TMEM267: variants seen among roughly 807,000 people sequenced by gnomAD.
TMEM267 encodes transmembrane protein 267.
TMEM267 carries 20 observed loss-of-function variants against 19.3 expected under a neutral mutation model. The ratio of observed to expected loss-of-function variants is 1.04; its 90% CI spans 0.73 to 1.51. TMEM267 has a LOEUF of 1.51. Ranked by LOEUF, TMEM267 falls within the 40% of genes most tolerant of loss-of-function variation. The pLI, the probability that TMEM267 is intolerant of heterozygous loss-of-function variation, is 0.00. For synonymous variants in TMEM267, 88 were observed against 90.3 expected (o/e 0.97, Z 0.15); for missense variants, 242 against 261.9 (o/e 0.92, Z 0.52).
intron 1 of TMEM267, among the ~76,000 whole-genome samples, chr5:43,464,667 C>A (rs1325833647): frequency 6.6e-6 from 1 of 152,272 alleles, no homozygotes; most frequent in East Asian, 1.9e-4. Context: ...CTACAACCAT[C>A]TGATCTTTGA....
intron 1 of TMEM267, among the ~76,000 whole-genome samples, chr5:43,471,169 A>G (rs1423659384): frequency 6.6e-6 from 1 of 152,136 alleles, no homozygotes; most frequent in African/African-American, 2.4e-5. Context: ...GTGAAACAGA[A>G]ATTTTTAAAG....
rs141423454 is a variant in TMEM267, at chr5:43,452,704, T to C, written c.312+954A>G. 1.1e-3 allele frequency among the ~76,000 whole-genome samples: 162 copies of C among 152,332 alleles called. 1 individual carries two copies. Among genetic ancestry groups the C allele is most frequent in the African/African-American group, 3.6e-3 (151 of 41,584 alleles). On this transcript the variant is annotated intron_variant, in intron 2 of 2. Transcript: ENST00000397080. ...CAAAATGTTATGCTAACTCTACTTA[T>C]AGCACAAAAGTTTGTCTTTAATTAG...
intron 1 of TMEM267, among the ~76,000 whole-genome samples, chr5:43,481,127 G>A (rs1318321596): frequency 2.8e-5 from 1 of 35,136 alleles, no homozygotes; most frequent in Non-Finnish European, 5.8e-5. Flanking sequence ...TTTTTTTTTT[G>A]ACAAGGTATC....
intron 1 of TMEM267, among the ~76,000 whole-genome samples, chr5:43,464,555 A>C (rs1477001052): frequency 3.3e-5 from 5 of 150,334 alleles, no homozygotes; most frequent in African/African-American, 4.9e-5. Flanking sequence ...ACTTCAAACT[A>C]TACTACAAGG....
chr5:43,471,478 T>C (rs1452836582), intron 1 of TMEM267, among the ~76,000 whole-genome samples: 1 of 149,670 alleles, frequency 6.7e-6, no homozygotes. Flanking sequence ...AGGCCCAGAA[T>C]ACCCAAAGCT....
intron 1 of TMEM267, among the ~76,000 whole-genome samples, chr5:43,483,414 G>C (rs1399299407): frequency 6.6e-6 from 1 of 152,200 alleles, no homozygotes; most frequent in African/African-American, 2.4e-5. Flanking sequence ...AGCCTCAAAG[G>C]CTCCGGGGCA....
At chr5:43,472,930 G>A (rs1744172845) in intron 1 of TMEM267, among the ~76,000 whole-genome samples, 1 of 151,874 alleles carries the variant, frequency 6.6e-6, no homozygotes, top group African/African-American at 2.4e-5. Context: ...ACAAGGTCAG[G>A]AGTTCAAGAC....
chr5:43,482,165 C>A (rs1259208700), intron 1 of TMEM267, among the ~76,000 whole-genome samples: 1 of 152,158 alleles, frequency 6.6e-6, no homozygotes, highest in Non-Finnish European at 1.5e-5. Context: ...TGTTTTAAGC[C>A]TCTAAGTTTT....
intron 1 of TMEM267, among the ~76,000 whole-genome samples, chr5:43,475,858 G>A (rs1383915577): frequency 2.0e-5 from 3 of 152,088 alleles, no homozygotes; most frequent in Non-Finnish European, 4.4e-5. Flanking sequence ...TAGCAAGAAT[G>A]AAACAACAAA....
chr5:43,449,033 A>G (rs1249712530), intron 2 of TMEM267, among the ~76,000 whole-genome samples: 2 of 152,088 alleles, frequency 1.3e-5, no homozygotes, highest in Admixed American at 6.6e-5. Flanking sequence ...AACAAAAACA[A>G]TCTAATAAAT....
intron 1 of TMEM267, among the ~76,000 whole-genome samples, chr5:43,464,056 C>T (rs1743452446): frequency 2.0e-5 from 3 of 152,072 alleles, no homozygotes; most frequent in African/African-American, 7.3e-5. Context: ...CTAGAAAACC[C>T]CATTGTCTCA....
At chr5:43,478,292 CA>C (rs1174113948) in intron 1 of TMEM267, among the ~76,000 whole-genome samples, 1 of 152,102 alleles carries the variant, frequency 6.6e-6, no homozygotes, top group Non-Finnish European at 1.5e-5. Context: ...CCATGTTTTA[CA>C]ATATAGACTC....
In TMEM267 at chr5:43,473,132, C is replaced by T. The variant is rs567342106; in HGVS notation, c.-75+10690G>A. Among the ~76,000 whole-genome samples the T allele has an allele frequency of 8.6e-4, 83 of 96,796 alleles. 1 individual carries two copies. The highest frequency in any genetic ancestry group is 9.4e-3 in the Middle Eastern group (1 of 106). 63.5% of individuals were successfully genotyped at this position (96,796 alleles called of 152,430 possible). A position where few individuals can be genotyped will look rare whatever the true frequency, so the allele number is the denominator to read the frequency against. ...CAGCCTGGACTACAGAGCGAGACTC[C>T]GTGTCACAAAAAAAAAAAAAAAAAA... On this transcript the variant is annotated intron_variant, in intron 1 of 2. Transcript: ENST00000397080.
At chr5:43,467,368 T>C (rs951867386) in intron 1 of TMEM267, among the ~76,000 whole-genome samples, 7 of 151,864 alleles carry the variant, frequency 4.6e-5, no homozygotes, top group Non-Finnish European at 8.8e-5. Context: ...AAGACACACA[T>C]AGACTGAAAG....
At chr5:43,452,101 A>G (rs977113682) in intron 2 of TMEM267, among the ~76,000 whole-genome samples, 9 of 150,642 alleles carry the variant, frequency 6.0e-5, no homozygotes, top group South Asian at 2.1e-4. Context: ...AAAAAGAAAG[A>G]AAAAAGAAAA....
chr5:43,448,789 C>A (rs4866828), intron 2 of TMEM267, among the ~76,000 whole-genome samples: 3 of 149,252 alleles, frequency 2.0e-5, no homozygotes, highest in African/African-American at 7.6e-5. Flanking sequence ...AAACAACCCC[C>A]CCCCACAAAA....
At chr5:43,460,358 A>G (rs1032080003) in intron 1 of TMEM267, among the ~76,000 whole-genome samples, 1 of 152,150 alleles carries the variant, frequency 6.6e-6, no homozygotes, top group East Asian at 1.9e-4. Context: ...AACCCCCATA[A>G]AAGTTAACCA....
chr5:43,465,459 CT>C (rs1743597561), intron 1 of TMEM267, among the ~76,000 whole-genome samples: 2 of 152,208 alleles, frequency 1.3e-5, no homozygotes, highest in Non-Finnish European at 2.9e-5. Context: ...CATCCCATTA[CT>C]GGGTATATAC....
upstream of TMEM267, chr5:43,483,963 C>T (rs1036962066): frequency 6.6e-6 from 1 of 152,234 alleles, no homozygotes; most frequent in Non-Finnish European, 1.5e-5. Context: ...CTGGCCAGCT[C>T]CAAGTCGAAA....
Sources: allele counts gnomAD v4.1 joint callset (sites outside exome capture counted in the v4.1 genomes callset), GRCh38; gene constraint gnomAD v4.1.1; transcripts MANE v1.5; gene names NCBI Gene and HGNC (gene_info 2026-07-23, HGNC 2026-07-21).